The following ATXN7L1 variants were observed in gnomAD, a reference collection of about 807,000 sequenced individuals.
The protein encoded by ATXN7L1 is ataxin-7-like protein 1.
Under a neutral mutation model 70.8 loss-of-function variants are expected in ATXN7L1, and 15 were observed. The observed-to-expected ratio is 0.21, with a 90% CI of 0.14 to 0.33. The LOEUF (loss-of-function observed/expected upper bound fraction) is 0.33, where lower values mean the gene tolerates loss of function less well. Ranked by LOEUF, ATXN7L1 falls within the 10% of genes least tolerant of loss-of-function variation. The probability of loss-of-function intolerance (pLI) is 1.00; values close to 1 mark genes in which losing one functional copy is unlikely to be tolerated. For synonymous variants in ATXN7L1, 440 were observed against 445.1 expected (o/e 0.99, Z 0.14); for missense variants, 975 against 1,097.1 (o/e 0.89, Z 1.57).
intron 10 of ATXN7L1, among the ~76,000 whole-genome samples, chr7:105,611,984 A>G (rs1157528164): frequency 2.0e-5 from 3 of 152,194 alleles, no homozygotes; most frequent in Non-Finnish European, 4.4e-5. Context: ...CAGCCGTTAA[A>G]TGCATCCGTT....
At chr7:105,639,133 C>T (rs1478460596) in intron 6 of ATXN7L1, among the ~76,000 whole-genome samples, 3 of 152,070 alleles carry the variant, frequency 2.0e-5, no homozygotes, top group African/African-American at 4.8e-5. Flanking sequence ...CCAGGGCTGC[C>T]TTTCAGGGCG....
At chr7:105,727,777 T>C (rs191299361) in intron 3 of ATXN7L1, among the ~76,000 whole-genome samples, 906 of 90,104 alleles carry the variant, frequency 0.01, 23 homozygotes, top group East Asian at 0.017. Flanking sequence ...TATATATATA[T>C]ACACACACAT....
At chr7:105,807,220 C>T (rs751900415) in intron 2 of ATXN7L1, among the ~76,000 whole-genome samples, 3 of 152,200 alleles carry the variant, frequency 2.0e-5, no homozygotes, top group Admixed American at 6.5e-5. Flanking sequence ...CAGTTAGTGT[C>T]CTGAAGAACC....
At position 105,876,401 on chromosome 7, in the gene ATXN7L1, G is replaced by A. The variant is rs1364817190; in HGVS notation, c.158C>T (p.Ala53Val). ...ACTGTCGGAGCAGTGTAATTTGGCG[G>A]CGTCGATCCAGGAGGACCAGGGTTT... The part of the protein sequence containing the change: ...LGKPWSSWID[A>V]AKLHCSDNVD... Residue 53 changes from alanine (A) to valine (V), a missense_variant, in exon 1 of 12, where the codon GCC (alanine) becomes GTC (valine). Physicochemically the swap from Ala to Val is moderately conservative, Grantham distance 64. Coordinates refer to ENST00000419735, the MANE Select transcript of ATXN7L1 (RefSeq NM_020725.2). 2 of 1,610,368 alleles carry A rather than the reference G, an allele frequency of 1.2e-6. No individual in the cohort carries two copies. The highest frequency in any genetic ancestry group is 1.7e-5 in the Admixed American group (1 of 59,588).
chr7:105,629,589 C>T (rs915395912), intron 7 of ATXN7L1, among the ~76,000 whole-genome samples: 3 of 151,340 alleles, frequency 2.0e-5, no homozygotes, highest in African/African-American at 7.3e-5. Flanking sequence ...GATCTTGGCT[C>T]AGTGCAACCT....
chr7:105,773,280 C>A (rs930253084), intron 3 of ATXN7L1, among the ~76,000 whole-genome samples: 1 of 152,160 alleles, frequency 6.6e-6, no homozygotes, highest in South Asian at 2.1e-4. Context: ...CACCTGATTC[C>A]CACAAGACAA....
chr7:105,713,304 G>C (rs1051815705), intron 3 of ATXN7L1, among the ~76,000 whole-genome samples: 1 of 152,182 alleles, frequency 6.6e-6, no homozygotes, highest in African/African-American at 2.4e-5. Context: ...TGATGCAGCT[G>C]ATCAGAGAAC....
chr7:105,811,624 A>G (rs902277464), intron 2 of ATXN7L1, among the ~76,000 whole-genome samples: 2 of 152,212 alleles, frequency 1.3e-5, no homozygotes, highest in Non-Finnish European at 2.9e-5. Context: ...ATGTCTGCAA[A>G]TAGAATGCAT....
chr7:105,620,859 C>A (rs1794817010), intron 8 of ATXN7L1, among the ~76,000 whole-genome samples: 1 of 149,166 alleles, frequency 6.7e-6, no homozygotes, highest in Non-Finnish European at 1.5e-5. Flanking sequence ...TGTGCCACTG[C>A]ACTCCAGCCT....
intron 7 of ATXN7L1, among the ~76,000 whole-genome samples, chr7:105,626,172 T>C (rs1795668430): frequency 6.6e-6 from 1 of 152,242 alleles, no homozygotes; most frequent in Admixed American, 6.5e-5. Flanking sequence ...TAAAATATGG[T>C]ATATCCATTC....
chr7:105,741,665 T>G (rs1158496421), intron 3 of ATXN7L1, among the ~76,000 whole-genome samples: 2 of 152,180 alleles, frequency 1.3e-5, no homozygotes, highest in African/African-American at 4.8e-5. Context: ...TAAAAGATGT[T>G]GAAGTCCTAA....
chr7:105,873,477 A>G (rs1331012249), intron 2 of ATXN7L1, among the ~76,000 whole-genome samples: 1 of 152,212 alleles, frequency 6.6e-6, no homozygotes, highest in Non-Finnish European at 1.5e-5. Context: ...CAGGTAACCA[A>G]ATAAACACCC....
intron 2 of ATXN7L1, among the ~76,000 whole-genome samples, chr7:105,832,295 T>G (rs994748772): frequency 1.3e-5 from 2 of 152,198 alleles, no homozygotes; most frequent in Non-Finnish European, 2.9e-5. Context: ...TTGCTAATTT[T>G]CTGCAATTCG....
chr7:105,708,422 C>A (rs1044881743), intron 3 of ATXN7L1, among the ~76,000 whole-genome samples: 4 of 152,198 alleles, frequency 2.6e-5, no homozygotes, highest in African/African-American at 7.2e-5. Context: ...CCAGTAAGGG[C>A]TCCTTCTAAA....
chr7:105,743,355 G>A (rs531321031), intron 3 of ATXN7L1, among the ~76,000 whole-genome samples: 1 of 152,286 alleles, frequency 6.6e-6, no homozygotes, highest in East Asian at 1.9e-4. Flanking sequence ...CAGGAAGCTG[G>A]ATTGGAACCC....
intron 3 of ATXN7L1, among the ~76,000 whole-genome samples, chr7:105,731,776 A>AAG (rs1340916729): frequency 1.5e-5 from 1 of 64,830 alleles, no homozygotes; most frequent in East Asian, 8.2e-4. Context: ...AAGAAAAGAA[A>AAG]AGAAAAGAAA....
intron 3 of ATXN7L1, among the ~76,000 whole-genome samples, chr7:105,706,152 A>G (rs896130725): frequency 6.6e-6 from 1 of 152,120 alleles, no homozygotes; most frequent in African/African-American, 2.4e-5. Context: ...CTTATTTTTT[A>G]ACTTTAAGAG....
At chr7:105,799,919 G>A (rs1442762273) in intron 2 of ATXN7L1, among the ~76,000 whole-genome samples, 5 of 152,174 alleles carry the variant, frequency 3.3e-5, no homozygotes, top group South Asian at 2.1e-4. Context: ...ACTGGCTACC[G>A]ACTGCACCAA....
At chr7:105,659,178 C>G (rs1801179244) in intron 4 of ATXN7L1, among the ~76,000 whole-genome samples, 1 of 152,098 alleles carries the variant, frequency 6.6e-6, no homozygotes, top group African/African-American at 2.4e-5. Context: ...GTACTTTTTT[C>G]CAATGTGGCT....
Sources: gnomAD v4.1 joint callset for allele counts (sites outside exome capture counted in the v4.1 genomes callset) on GRCh38, gnomAD v4.1.1 for gene constraint, MANE v1.5 for transcripts, NCBI Gene and HGNC (gene_info 2026-07-23, HGNC 2026-07-21) for gene names.